The following HPR variants were observed in gnomAD, a reference collection of about 807,000 sequenced individuals.
HPR encodes haptoglobin-related protein.
In HPR, 17 loss-of-function variants were observed where a neutral mutation model predicts 18.5. The observed-to-expected ratio is 0.92, with a 90% CI of 0.63 to 1.38. HPR has a LOEUF of 1.38. Among genes scored for constraint, HPR ranks in the 40% most tolerant of loss-of-function variants. The probability of loss-of-function intolerance (pLI) is 0.00; values close to 1 mark genes in which losing one functional copy is unlikely to be tolerated. For missense variants in HPR, 457 were observed against 432.4 expected, an observed-to-expected ratio of 1.06 and a Z score of -0.51; for synonymous variants, 176 against 165.0, an observed-to-expected ratio of 1.07 and a Z score of -0.51.
In HPR at chr16:72,075,237, A is replaced by T; in HGVS notation, c.268+18A>T. On this transcript the variant is annotated intron_variant, in intron 4 of 4. Transcript: ENST00000540303. The stretch of plus-strand genomic sequence containing the variant: ...TGAAGCAGGTGGGTGCTGAGCACTG[A>T]GCACTTAAGAGAGCAGGCAGGCGTC... 3 of 1,366,582 alleles carry T rather than the reference A, an allele frequency of 2.2e-6. No homozygotes were observed. Among genetic ancestry groups the T allele is most frequent in the Non-Finnish European group, 3.0e-6 (3 of 986,846 alleles). 84.7% of individuals were successfully genotyped at this position (1,366,582 alleles called of 1,614,324 possible).
At chr16:72,067,326 A>G (rs2041608332) in intron 1 of HPR, among the ~76,000 whole-genome samples, 1 of 152,196 alleles carries the variant, frequency 6.6e-6, no homozygotes, top group Non-Finnish European at 1.5e-5. Context: ...CCTGCTCTTC[A>G]GAAGAACTTA....
Position 72,076,863 on chromosome 16 carries a change from A to T in HPR, c.829A>T (p.Asn277Tyr). Residue 277 changes from asparagine (N) to tyrosine (Y), a missense_variant, in exon 5 of 5, where the codon AAC (asparagine) becomes TAC (tyrosine). Transcript: ENST00000540303. ...KSPVGVQPIL[N>Y]EHTFCVGMSK... ...CCCTGTAGGGGTGCAGCCCATACTG[A>T]ACGAACACACCTTCTGTGTCGGCAT... 1 of 1,614,238 alleles carries T rather than the reference A, an allele frequency of 6.2e-7. No individual in the cohort carries two copies. Among genetic ancestry groups the T allele is most frequent in the Non-Finnish European group, 8.5e-7 (1 of 1,180,050 alleles).
intron 1 of HPR, among the ~76,000 whole-genome samples, chr16:72,063,524 T>C (rs2041564625): frequency 6.6e-6 from 1 of 152,182 alleles, no homozygotes; most frequent in South Asian, 2.1e-4. Context: ...GGGTATGTCA[T>C]CAGCTCCCGT....
At chr16:72,065,296 G>T (rs1022782257) in intron 1 of HPR, among the ~76,000 whole-genome samples, 8 of 152,064 alleles carry the variant, frequency 5.3e-5, no homozygotes, top group Non-Finnish European at 1.2e-4. Context: ...AGATAGGCAA[G>T]AAATCTCTAA....
chr16:72,073,791 T>C (rs1266135754), intron 1 of HPR, 101 bp from the exon 2 acceptor site: 24 of 1,593,666 alleles, frequency 1.5e-5, no homozygotes, highest in Middle Eastern at 1.9e-4. Context: ...TGTGTGTGTG[T>C]GCGTGTGTGT....
At chr16:72,065,363 G>A (rs2041587020) in intron 1 of HPR, among the ~76,000 whole-genome samples, 1 of 152,066 alleles carries the variant, frequency 6.6e-6, no homozygotes, top group Non-Finnish European at 1.5e-5. Context: ...TTCCTAATAT[G>A]AGGAACTGAG....
chr16:72,076,583 C>T lies in HPR; in HGVS notation c.549C>T (p.Asn183=), dbSNP rs1270605526. ...VEIEKVVLHP[N]YHQVDIGLIK... ...TTGAGAAGGTGGTTCTACACCCTAACTACCACCAGGTAGATATTGGGCTCA... is the reference window on the plus strand; with the variant it reads ...TTGAGAAGGTGGTTCTACACCCTAATTACCACCAGGTAGATATTGGGCTCA... The change falls in exon 5 of 5, where the codon AAC becomes AAT. Residue 183 remains asparagine (N), a synonymous_variant. Coordinates refer to ENST00000540303, the MANE Select transcript of HPR (RefSeq NM_020995.4). 3.1e-6 allele frequency: 5 copies of T among 1,614,100 alleles called. No individual in the cohort carries two copies. In the African/African-American group the frequency reaches 6.7e-5, roughly 22 times the overall value.
At chr16:72,066,046 C>T (rs1416000704) in intron 1 of HPR, among the ~76,000 whole-genome samples, 2 of 152,182 alleles carry the variant, frequency 1.3e-5, no homozygotes, top group Non-Finnish European at 2.9e-5. Context: ...AAATATCCTT[C>T]CTTAAAAGGG....
chr16:72,071,675 C>T (rs1326743367), intron 1 of HPR, among the ~76,000 whole-genome samples: 2 of 152,206 alleles, frequency 1.3e-5, no homozygotes, highest in Non-Finnish European at 2.9e-5. Context: ...CCTTAGTCAT[C>T]CTCGAGCGGA....
At chr16:72,076,240 C>T in intron 4 of HPR, 63 bp from the exon 5 acceptor site, 2 of 1,594,860 alleles carry the variant, frequency 1.3e-6, no homozygotes, top group South Asian at 2.2e-5. Context: ...TGCTTTCACC[C>T]CTTTCTCAGA....
chr16:72,075,510 G>A (rs376324469), intron 4 of HPR, among the ~76,000 whole-genome samples: 2 of 152,344 alleles, frequency 1.3e-5, no homozygotes, highest in African/African-American at 4.8e-5. Flanking sequence ...AGAGCCCTGG[G>A]TCTAAGGAGA....
rs541301965 is a variant in HPR at position 72,073,073 on chromosome 16, C to T, written c.6-819C>T. 3.3e-5 allele frequency among the ~76,000 whole-genome samples: 5 copies of T among 152,252 alleles called. No homozygotes were observed. The East Asian group carries it at 5.8e-4, about 18-fold the overall frequency. ...CCCCTCCCATCACAATGGCTTCTCCCGGCAAAACTGATCTTCCTGCCTTCC... is the reference window on the plus strand; with the variant it reads ...CCCCTCCCATCACAATGGCTTCTCCTGGCAAAACTGATCTTCCTGCCTTCC... On this transcript the variant is annotated intron_variant, in intron 1 of 4. Transcript: ENST00000540303.
intron 1 of HPR, among the ~76,000 whole-genome samples, chr16:72,065,896 A>G (rs1267898514): frequency 6.6e-6 from 1 of 151,960 alleles, no homozygotes; most frequent in Non-Finnish European, 1.5e-5. Flanking sequence ...TACTGCCCCA[A>G]TCCTAACCCC....
At position 72,074,348 on chromosome 16, in the gene HPR, G is replaced by A. The variant is rs747008113; in HGVS notation, c.156G>A (p.Gln52=). 1.8e-5 allele frequency: 29 copies of A among 1,614,056 alleles called. No individual in the cohort carries two copies. The Admixed American group carries it at 4.8e-4, about 27-fold the overall frequency. ...NGYVEHLFRY[Q]CKNYYRLRTE... The stretch of plus-strand genomic sequence containing the variant: ...ATGTGGAGCACTTGTTTCGCTACCA[G>A]TGTAAGAACTACTACAGACTGCGCA... The change falls in exon 3 of 5, where the codon CAG becomes CAA. Residue 52 remains glutamine, a synonymous_variant. Coordinates refer to ENST00000540303, the MANE Select transcript of HPR (RefSeq NM_020995.4).
chr16:72,067,239 T>C (rs1472237619), intron 1 of HPR, among the ~76,000 whole-genome samples: 3 of 152,182 alleles, frequency 2.0e-5, no homozygotes, highest in Non-Finnish European at 4.4e-5. Context: ...AGGTGGGACC[T>C]ACACATGAGC....
intron 1 of HPR, among the ~76,000 whole-genome samples, chr16:72,066,500 T>C (rs1468611619): frequency 6.6e-6 from 1 of 151,552 alleles, no homozygotes; most frequent in Non-Finnish European, 1.5e-5. Flanking sequence ...TGAGAAAACA[T>C]GCAGGACCTA....
intron 3 of HPR, 113 bp from the exon 4 acceptor site, chr16:72,075,032 G>C (rs1277741613): frequency 4.2e-6 from 5 of 1,189,482 alleles, no homozygotes; most frequent in Non-Finnish European, 6.1e-6. Context: ...CTCCCTTCCT[G>C]TCTGCCTCCT....
intron 4 of HPR, among the ~76,000 whole-genome samples, chr16:72,076,031 G>T (rs1309186208): frequency 6.6e-6 from 1 of 151,908 alleles, no homozygotes; most frequent in African/African-American, 2.4e-5. Context: ...TGAGATAATT[G>T]TTTAAATATA....
chr16:72,072,839 T>C (rs1185907249), intron 1 of HPR, among the ~76,000 whole-genome samples: 1 of 152,178 alleles, frequency 6.6e-6, no homozygotes, highest in Admixed American at 6.5e-5. Flanking sequence ...GAAAAAATAC[T>C]GTAAAATATT....
Sources: allele counts gnomAD v4.1 joint callset (sites outside exome capture counted in the v4.1 genomes callset), GRCh38; gene constraint gnomAD v4.1.1; transcripts MANE v1.5; gene names NCBI Gene and HGNC (gene_info 2026-07-23, HGNC 2026-07-21).